The following WDPCP variants were observed in gnomAD, a reference collection of about 807,000 sequenced individuals.
WDPCP encodes the protein WD repeat-containing and planar cell polarity effector protein fritz homolog.
WDPCP carries 71 observed loss-of-function variants against 93.1 expected under a neutral mutation model. That is an observed-to-expected ratio of 0.76 (90% CI 0.63 to 0.93). The LOEUF (loss-of-function observed/expected upper bound fraction) is 0.93. Ranked by LOEUF, WDPCP falls within the 40% of genes least tolerant of loss-of-function variation. The pLI, the probability that WDPCP is intolerant of heterozygous loss-of-function variation, is 0.00. For missense variants in WDPCP, 844 were observed against 887.4 expected (o/e 0.95, Z 0.62); for synonymous variants, 315 against 315.0 (o/e 1.00, Z 0.00).
At chr2:63,149,366 T>A (rs1207687682) in intron 17 of WDPCP, among the ~76,000 whole-genome samples, 1 of 152,206 alleles carries the variant, frequency 6.6e-6, no homozygotes, top group East Asian at 1.9e-4. Context: ...CCTGAGTGTT[T>A]AAGTATTAGC....
chr2:63,403,935 A>G, intron 10 of WDPCP, 113 bp downstream of exon 10: 7 of 1,456,074 alleles, frequency 4.8e-6, no homozygotes, highest in Non-Finnish European at 6.6e-6. Context: ...AGGCAAACAT[A>G]TTTATGGGAT....
chr2:63,713,996 G>C (rs1669297813), intron 2 of WDPCP, among the ~76,000 whole-genome samples: 1 of 151,812 alleles, frequency 6.6e-6, no homozygotes. Flanking sequence ...GTCTGTTCAG[G>C]AGCAGAGGAC....
intron 14 of WDPCP, among the ~76,000 whole-genome samples, chr2:63,192,573 G>A (rs1675131308): frequency 6.6e-6 from 1 of 152,208 alleles, no homozygotes; most frequent in East Asian, 1.9e-4. Flanking sequence ...GGTCAAAGAG[G>A]TTAATTGGCT....
At position 63,119,854 on chromosome 2, in the gene WDPCP, G is replaced by A. The variant is rs1010474820; in HGVS notation, c.*2152C>T. Among the ~76,000 whole-genome samples the A allele has an allele frequency of 1.1e-4, 16 of 152,040 alleles. No individual in the cohort carries two copies. The highest frequency in any genetic ancestry group is 3.9e-4 in the African/African-American group (16 of 41,378). On this transcript the variant is annotated 3_prime_UTR_variant, in exon 18 of 18. Coordinates refer to ENST00000272321, the MANE Select transcript of WDPCP (RefSeq NM_015910.7). ...AATATTCTCAGATTTACAACATCTG[G>A]GAAATAACAGCATTTATAAATCATG...
chr2:63,701,602 T>C (rs1260751143), intron 2 of WDPCP, among the ~76,000 whole-genome samples: 5 of 152,144 alleles, frequency 3.3e-5, no homozygotes. Flanking sequence ...CCAACCTAAG[T>C]GCCCATTAAT....
intron 1 of WDPCP, among the ~76,000 whole-genome samples, chr2:63,507,535 C>T (rs1427558532): frequency 1.3e-5 from 2 of 151,522 alleles, no homozygotes; most frequent in African/African-American, 2.4e-5. Flanking sequence ...CCCAAGAAGG[C>T]GGATGATATA....
chr2:63,369,850 C>G (rs1436824721), intron 12 of WDPCP, among the ~76,000 whole-genome samples: 1 of 152,064 alleles, frequency 6.6e-6, no homozygotes. Flanking sequence ...GACAAAATAC[C>G]ATTCATAATT....
chr2:63,252,467 C>T (rs1680811340), intron 14 of WDPCP, among the ~76,000 whole-genome samples: 1 of 152,018 alleles, frequency 6.6e-6, no homozygotes, highest in Non-Finnish European at 1.5e-5. Flanking sequence ...TTAAAGGCAT[C>T]CAAATAGGAA....
chr2:63,211,636 A>G (rs958544608), intron 14 of WDPCP, among the ~76,000 whole-genome samples: 24 of 152,216 alleles, frequency 1.6e-4, no homozygotes, highest in Non-Finnish European at 3.2e-4. Context: ...TTGAGAGAAG[A>G]AGGCTTCAGA....
intron 2 of WDPCP, among the ~76,000 whole-genome samples, chr2:63,665,566 G>A (rs1710273453): frequency 6.6e-6 from 1 of 152,352 alleles, no homozygotes. Context: ...GATACTAGGA[G>A]TCAGGACTTC....
At chr2:63,173,051 C>T (rs1343581787) in intron 15 of WDPCP, among the ~76,000 whole-genome samples, 1 of 152,030 alleles carries the variant, frequency 6.6e-6, no homozygotes, top group East Asian at 1.9e-4. Context: ...CACCTGAGGT[C>T]AGGAGTTTGA....
At chr2:63,615,667 C>T (rs1709664253) in intron 3 of WDPCP, among the ~76,000 whole-genome samples, 1 of 152,222 alleles carries the variant, frequency 6.6e-6, no homozygotes, top group South Asian at 2.1e-4. Context: ...TAAACTTCTG[C>T]TCTAACCTCA....
At chr2:63,454,378 A>G (rs1462076460) in intron 6 of WDPCP, among the ~76,000 whole-genome samples, 2 of 151,950 alleles carry the variant, frequency 1.3e-5, no homozygotes, top group African/African-American at 4.8e-5. Flanking sequence ...AGGGAGGGAT[A>G]GCATTGGGAG....
chr2:63,398,508 A>G (rs1192688305), intron 10 of WDPCP, among the ~76,000 whole-genome samples: 1 of 152,214 alleles, frequency 6.6e-6, no homozygotes, highest in African/African-American at 2.4e-5. Context: ...TTTAATGCCC[A>G]ACACATTTGT....
chr2:63,775,628 C>T, intron 2 of WDPCP, among the ~76,000 whole-genome samples: 1 of 152,164 alleles, frequency 6.6e-6, no homozygotes, highest in African/African-American at 2.4e-5. Context: ...TTTATTTCTT[C>T]TATTTACTTT....
chr2:63,352,726 G>GT (rs1249375310), intron 12 of WDPCP, among the ~76,000 whole-genome samples: 11 of 152,098 alleles, frequency 7.2e-5, no homozygotes, highest in African/African-American at 2.7e-4. Flanking sequence ...TATGATCTTG[G>GT]TGCCAGACAC....
At chr2:63,292,120 A>G (rs1684481951) in intron 13 of WDPCP, among the ~76,000 whole-genome samples, 1 of 139,152 alleles carries the variant, frequency 7.2e-6, no homozygotes, top group Admixed American at 7.1e-5. Context: ...GCGACAGAGC[A>G]AGACTCCGGC....
intron 14 of WDPCP, among the ~76,000 whole-genome samples, chr2:63,250,172 G>A (rs984837092): frequency 2.0e-5 from 3 of 152,094 alleles, no homozygotes; most frequent in South Asian, 2.1e-4. Context: ...TACAGGTTGC[G>A]TGAATACAAG....
At chr2:63,830,946 A>G (rs952251769), upstream of WDPCP, among the ~76,000 whole-genome samples, 2 of 152,146 alleles carry the variant, frequency 1.3e-5, no homozygotes, top group African/African-American at 4.8e-5. Context: ...ACATCTTTAA[A>G]TATCTTCTTG....
Sources: allele counts gnomAD v4.1 joint callset (sites outside exome capture counted in the v4.1 genomes callset), GRCh38; gene constraint gnomAD v4.1.1; transcripts MANE v1.5; gene names NCBI Gene and HGNC (gene_info 2026-07-23, HGNC 2026-07-21).